Variants in LGR5 observed in about 807,000 individuals in gnomAD.
LGR5 encodes the protein leucine rich repeat containing G protein-coupled receptor 5, also known as leucine-rich repeat-containing G protein-coupled receptor 5.
LGR5 carries 54 observed loss-of-function variants against 76.7 expected under a neutral mutation model. That is an observed-to-expected ratio of 0.70 (90% CI 0.57 to 0.88). The LOEUF is 0.88. LGR5 is among the 40% of genes least tolerant of loss of function. The probability of loss-of-function intolerance (pLI) is 0.00; values close to 1 mark genes in which losing one functional copy is unlikely to be tolerated. For synonymous variants in LGR5, 406 were observed against 421.9 expected (o/e 0.96, Z 0.46); for missense variants, 1,078 against 1,073.3 (o/e 1.00, Z -0.06).
intron 2 of LGR5, among the ~76,000 whole-genome samples, chr12:71,519,839 A>T: frequency 6.6e-6 from 1 of 151,122 alleles, no homozygotes; most frequent in Non-Finnish European, 1.5e-5. Context: ...AAATAATAAT[A>T]ATAAATAAAT....
Position 71,561,818 on chromosome 12 carries a change from A to AACTC in LGR5, c.824_825insCTCA (p.Lys275AsnfsTer17). 6.2e-7 allele frequency: 1 copy of AACTC among 1,607,576 alleles called. No individual in the cohort carries two copies. The highest frequency in any genetic ancestry group is 8.5e-7 in the Non-Finnish European group (1 of 1,175,670). ...CAACAATATCAGGTCGATACCTGAG[A>AACTC]AAGCATTTGTAGGCAACCCTTCTCT... is the stretch of plus-strand genomic sequence containing the variant. On this transcript the variant is annotated frameshift_variant, in exon 8 of 18. Coordinates refer to ENST00000266674, the MANE Select transcript of LGR5 (RefSeq NM_003667.4). LOFTEE classifies it high-confidence loss of function.
At chr12:71,546,317 A>ATAT (rs1555173455) in intron 4 of LGR5, among the ~76,000 whole-genome samples, 2 of 148,816 alleles carry the variant, frequency 1.3e-5, no homozygotes, top group Admixed American at 6.7e-5. Flanking sequence ...TCAGTCTCAA[A>ATAT]ATATATATAT....
At chr12:71,474,093 T>C (rs1873217767) in intron 1 of LGR5, among the ~76,000 whole-genome samples, 1 of 152,184 alleles carries the variant, frequency 6.6e-6, no homozygotes, top group South Asian at 2.1e-4. Context: ...GCTTTCTTAT[T>C]TGGCTTTTGA....
intron 1 of LGR5, among the ~76,000 whole-genome samples, chr12:71,503,502 TG>T (rs1385578895): frequency 6.6e-6 from 1 of 152,170 alleles, no homozygotes; most frequent in Admixed American, 6.5e-5. Flanking sequence ...AGGCAAAGAG[TG>T]AATGATTCCT....
intron 11 of LGR5, 115 bp downstream of exon 11, chr12:71,567,027 G>A (rs1878386172): frequency 1.2e-5 from 10 of 836,172 alleles, no homozygotes; most frequent in Non-Finnish European, 1.6e-5. Flanking sequence ...TTCCTTTCAG[G>A]TCTGCAGGAG....
At chr12:71,494,321 T>A (rs1441467670) in intron 1 of LGR5, among the ~76,000 whole-genome samples, 1 of 150,580 alleles carries the variant, frequency 6.6e-6, no homozygotes, top group Non-Finnish European at 1.5e-5. Flanking sequence ...AAAGCAATCC[T>A]CCCACTGAGA....
At chr12:71,565,343 C>T (rs1262931514) in intron 8 of LGR5, among the ~76,000 whole-genome samples, 2 of 150,872 alleles carry the variant, frequency 1.3e-5, no homozygotes, top group African/African-American at 4.9e-5. Context: ...GTGTCTGAGC[C>T]TCAATTTTCT....
intron 4 of LGR5, among the ~76,000 whole-genome samples, chr12:71,552,094 G>A (rs528413953): frequency 2.2e-4 from 33 of 151,792 alleles, no homozygotes; most frequent in Non-Finnish European, 3.4e-4. Context: ...GCAGGTGGGG[G>A]GCAAGGGGAG....
chr12:71,441,607 G>GA (rs1157740304), intron 1 of LGR5: 1 of 151,940 alleles, frequency 6.6e-6, no homozygotes, highest in African/African-American at 2.4e-5. Flanking sequence ...GAGTGAGGAA[G>GA]AAAAAAACAT....
At chr12:71,476,736 T>C (rs74850249) in intron 1 of LGR5, among the ~76,000 whole-genome samples, 1,747 of 152,282 alleles carry the variant, frequency 0.011, 13 homozygotes, top group Middle Eastern at 0.024. Context: ...GCTGGAACTT[T>C]CAGCATGATT....
At chr12:71,569,345 ATGAAACT>A (rs1878495723) in intron 11 of LGR5, among the ~76,000 whole-genome samples, 1 of 152,258 alleles carries the variant, frequency 6.6e-6, no homozygotes, top group South Asian at 2.1e-4. Flanking sequence ...TGCACAGCAA[ATGAAACT>A]ATCATCAGAG....
chr12:71,504,749 C>T lies in LGR5; in HGVS notation c.284+64C>T, dbSNP rs1874777928. On this transcript the variant is annotated intron_variant, in intron 2 of 17. Transcript: ENST00000266674. ...TGGGCACATTCTTGTGTTTGTCTCT[C>T]ATACTTACTGTGGGAACCAGATAAA... The T allele has an allele frequency of 4.7e-6, 6 of 1,288,436 alleles. No homozygotes were observed. In the Admixed American group the frequency reaches 1.0e-4, roughly 22 times the overall value. 79.8% of individuals were successfully genotyped at this position (1,288,436 alleles called of 1,614,324 possible).
chr12:71,494,750 C>T (rs1456545758), intron 1 of LGR5, among the ~76,000 whole-genome samples: 2 of 151,128 alleles, frequency 1.3e-5, no homozygotes, highest in Non-Finnish European at 1.5e-5. Context: ...CAACTACAAA[C>T]TCAGTCTAGT....
intron 3 of LGR5, among the ~76,000 whole-genome samples, chr12:71,531,147 AT>A (rs2137358025): frequency 6.6e-6 from 1 of 152,318 alleles, no homozygotes; most frequent in South Asian, 2.1e-4. Context: ...AAAGTATTCC[AT>A]TTGCTTTTCC....
At chr12:71,452,375 G>A (rs181110683) in intron 1 of LGR5, among the ~76,000 whole-genome samples, 3 of 152,334 alleles carry the variant, frequency 2.0e-5, no homozygotes, top group Admixed American at 6.5e-5. Context: ...TTGAAGGACA[G>A]TCAGCACAGT....
rs1012668423 is a variant in LGR5 at position 71,455,123 on chromosome 12, T to C, written c.212+14831T>C. Among the ~76,000 whole-genome samples, 6 of 152,158 alleles carry C rather than the reference T, an allele frequency of 3.9e-5. No individual in the cohort carries two copies. The South Asian group carries it at 1.0e-3, about 26-fold the overall frequency. On this transcript the variant is annotated intron_variant, in intron 1 of 17. Coordinates refer to ENST00000266674, the MANE Select transcript of LGR5 (RefSeq NM_003667.4). Reference sequence around the variant, plus strand: ...CAGATCCCACATCAAACCAACTAAATCACAATTTCTGAGGGAAGGAGCTAG... The same window carrying C: ...CAGATCCCACATCAAACCAACTAAACCACAATTTCTGAGGGAAGGAGCTAG...
intron 4 of LGR5, among the ~76,000 whole-genome samples, chr12:71,549,988 G>A (rs1015908635): frequency 5.9e-5 from 9 of 152,070 alleles, no homozygotes. Flanking sequence ...CCAGAGAAAT[G>A]GCTATATTAA....
intron 2 of LGR5, among the ~76,000 whole-genome samples, chr12:71,511,428 C>G (rs1875150019): frequency 6.6e-6 from 1 of 152,186 alleles, no homozygotes; most frequent in South Asian, 2.1e-4. Flanking sequence ...CTGCCTTTAA[C>G]AAGCTCTCCA....
At chr12:71,561,145 T>G (rs1878038202) in intron 7 of LGR5, among the ~76,000 whole-genome samples, 1 of 152,186 alleles carries the variant, frequency 6.6e-6, no homozygotes, top group African/African-American at 2.4e-5. Flanking sequence ...GTGTTCTGAC[T>G]TAGGAAACCC....
Sources: allele counts gnomAD v4.1 joint callset (sites outside exome capture counted in the v4.1 genomes callset), GRCh38; gene constraint gnomAD v4.1.1; transcripts MANE v1.5; gene names NCBI Gene and HGNC (gene_info 2026-07-23, HGNC 2026-07-21).